The following B4GALT4 variants were observed in gnomAD, a reference collection of about 807,000 sequenced individuals.
B4GALT4 encodes the protein N-acetyllactosamine synthase.
A neutral mutation model predicts 37.3 loss-of-function variants in B4GALT4; 27 were observed. The observed-to-expected ratio is 0.72, with a 90% CI of 0.53 to 1.00. B4GALT4 has a LOEUF of 1.00. Ranked by LOEUF, B4GALT4 falls within the 50% of genes least tolerant of loss-of-function variation. B4GALT4 has a pLI of 0.00. For missense variants in B4GALT4, 372 were observed against 413.1 expected (o/e 0.90, Z 0.86); for synonymous variants, 148 against 154.1 (o/e 0.96, Z 0.29).
rs773490587 is a variant in B4GALT4 at position 119,227,034 on chromosome 3, C to T, written c.261G>A (p.Gln87=). ...CPSVSPYLRG[Q]SKLIFKPDLT... ...GATCTGGTTTGAAAATGAGCTTGCT[C>T]TGGCCTCCTACAATGAACATAGGAC... Residue 87 remains glutamine, a synonymous_variant, in exon 4 of 8, where the codon CAG becomes CAA. Coordinates refer to ENST00000393765, the MANE Select transcript of B4GALT4 (RefSeq NM_003778.4). The T allele has an allele frequency of 1.7e-5, 28 of 1,613,906 alleles. No individual in the cohort carries two copies. Among genetic ancestry groups the T allele is most frequent in the Admixed American group, 8.3e-5 (5 of 60,000 alleles).
chr3:119,239,490 A>C (rs114582205), intron 1 of B4GALT4, among the ~76,000 whole-genome samples: 3,016 of 152,318 alleles, frequency 0.02, 49 homozygotes, highest in Non-Finnish European at 0.029. Flanking sequence ...TTCAAAGAGA[A>C]GGTTAGTTCC....
chr3:119,227,220 G>A (rs1324136636), intron 3 of B4GALT4, among the ~76,000 whole-genome samples, 179 bp from the exon 4 acceptor site: 1 of 152,218 alleles, frequency 6.6e-6, no homozygotes, highest in Non-Finnish European at 1.5e-5. Flanking sequence ...AGAGCATCAT[G>A]TCACTAAGGT....
At position 119,230,117 on chromosome 3, in the gene B4GALT4, T is replaced by C. The variant is rs768073001; in HGVS notation, c.-18A>G. ...AAGCCCATGTTTTTTATTACGTGAATAATATCTATCTCTCTGCTTCACTGC... is the reference window on the plus strand; with the variant it reads ...AAGCCCATGTTTTTTATTACGTGAACAATATCTATCTCTCTGCTTCACTGC... On this transcript the variant is annotated 5_prime_UTR_variant, in exon 3 of 8. Transcript: ENST00000393765. The C allele has an allele frequency of 1.2e-6, 2 of 1,613,716 alleles. No individual in the cohort carries two copies. The highest frequency in any genetic ancestry group is 2.2e-5 in the South Asian group (2 of 91,042).
chr3:119,228,678 T>C (rs1341246812), intron 3 of B4GALT4, among the ~76,000 whole-genome samples: 1 of 152,134 alleles, frequency 6.6e-6, no homozygotes, highest in Non-Finnish European at 1.5e-5. Flanking sequence ...GTGACTCAAC[T>C]AGGAAAGGGG....
intron 4 of B4GALT4, chr3:119,226,502 A>G (rs1485799204): frequency 7.9e-6 from 3 of 379,012 alleles, no homozygotes; most frequent in Non-Finnish European, 1.5e-5. Flanking sequence ...AGAAAGAAAC[A>G]GAAGGGGCCA....
At chr3:119,236,611 T>C (rs2078993861) in intron 2 of B4GALT4, among the ~76,000 whole-genome samples, 1 of 152,194 alleles carries the variant, frequency 6.6e-6, no homozygotes, top group Admixed American at 6.5e-5. Flanking sequence ...ACATAGCAGG[T>C]ACTCAATTTA....
intron 3 of B4GALT4, 152 bp downstream of exon 3, chr3:119,229,695 T>G (rs1435333331): frequency 4.6e-6 from 4 of 874,014 alleles, no homozygotes; most frequent in Non-Finnish European, 6.7e-6. Flanking sequence ...TTGTACATGT[T>G]ATATTTATTT....
rs1349548722 is a variant in B4GALT4, at chr3:119,229,979, T to A, written c.121A>T (p.Ile41Phe). 1 of 1,614,004 alleles carries A rather than the reference T, an allele frequency of 6.2e-7. No individual in the cohort carries two copies. The highest frequency in any genetic ancestry group is 2.2e-5 in the East Asian group (1 of 44,892). Reference sequence around the variant, plus strand: ...GCCATGAACTCCTTTGCTTTAGGAATCTCTTGAATGGCACCCACGAAGTAG... The same window carrying A: ...GCCATGAACTCCTTTGCTTTAGGAAACTCTTGAATGGCACCCACGAAGTAG... ...SNYFVGAIQE[I>F]PKAKEFMANF... The change falls in exon 3 of 8, where the codon ATT becomes TTT. Residue 41 changes from isoleucine to phenylalanine, a missense_variant. Physicochemically the swap from Ile to Phe is conservative, Grantham distance 21 (BLOSUM62 0). Transcript: ENST00000393765.
In B4GALT4 at chr3:119,216,274, T is replaced by C. The variant is rs768298983; in HGVS notation, c.868A>G (p.Thr290Ala). Residue 290 changes from threonine (T) to alanine (A), a missense_variant, in exon 7 of 8, where the codon ACT becomes GCT. Thr to Ala is a moderately conservative substitution (Grantham distance 58, BLOSUM62 0). Transcript: ENST00000393765. ...EVGKYTMVFHTRDKGNEVNAE... is the reference protein window; with the variant it reads ...EVGKYTMVFHARDKGNEVNAE... ...TTCACCTCATTGCCTTTGTCTCTAG[T>C]GTGGAAGACCATTGTATATTTACCC... The C allele has an allele frequency of 1.2e-5, 20 of 1,613,738 alleles. No homozygotes were observed. The highest frequency in any genetic ancestry group is 1.6e-5 in the Non-Finnish European group (19 of 1,179,896).
At chr3:119,234,162 G>A (rs2078913057) in intron 2 of B4GALT4, among the ~76,000 whole-genome samples, 1 of 151,702 alleles carries the variant, frequency 6.6e-6, no homozygotes, top group Admixed American at 6.6e-5. Flanking sequence ...CTGTCGGCCT[G>A]GCCGGAGTGC....
At position 119,224,223 on chromosome 3, in the gene B4GALT4, C is replaced by T. The variant is rs1409074025; in HGVS notation, c.509G>A (p.Arg170Gln). Residue 170 changes from arginine to glutamine, a missense_variant, in exon 5 of 8, where the codon CGA becomes CAA. Physicochemically the swap from Arg to Gln is conservative, Grantham distance 43. Coordinates refer to ENST00000393765, the MANE Select transcript of B4GALT4 (RefSeq NM_003778.4). ...ATAGCCCACATTCAAGAGTTTGGCT[C>T]GATTAAACTTTTTACCTTCAGCCTA... ...IHQAEGKKFN[R>Q]AKLLNVGYLE... 5 of 1,606,354 alleles carry T rather than the reference C, an allele frequency of 3.1e-6. No homozygotes were observed. Among genetic ancestry groups the T allele is most frequent in the Non-Finnish European group, 4.2e-6 (5 of 1,177,270 alleles).
intron 7 of B4GALT4, chr3:119,214,506 C>G (rs960037570): frequency 7.9e-5 from 12 of 152,154 alleles, no homozygotes; most frequent in African/African-American, 2.9e-4. Context: ...GAGGGAAGCT[C>G]TCGAGGACTA....
At chr3:119,228,130 G>C (rs1334676810) in intron 3 of B4GALT4, among the ~76,000 whole-genome samples, 1 of 152,158 alleles carries the variant, frequency 6.6e-6, no homozygotes, top group South Asian at 2.1e-4. Flanking sequence ...GAGATAATGG[G>C]GTAGCTGTTG....
chr3:119,220,513 A>G (rs2078417331), intron 5 of B4GALT4, among the ~76,000 whole-genome samples: 1 of 152,218 alleles, frequency 6.6e-6, no homozygotes, highest in Non-Finnish European at 1.5e-5. Flanking sequence ...TTCTGAGGAG[A>G]GAGGTGTCGC....
In B4GALT4 at chr3:119,237,334, G is replaced by T. The variant is rs75527525; in HGVS notation, c.-363-264C>A. Among the ~76,000 whole-genome samples, 9 of 152,338 alleles carry T rather than the reference G, an allele frequency of 5.9e-5. 1 individual carries two copies. The South Asian group carries it at 1.9e-3, about 32-fold the overall frequency. On this transcript the variant is annotated intron_variant, in intron 1 of 7. Transcript: ENST00000393765. ...TAACAGGGCTCTGAAGTCACAAAGA[G>T]CTGAGTTCAAATTCTGGTTATCAGA...
chr3:119,221,283 A>C (rs950939928), intron 5 of B4GALT4, among the ~76,000 whole-genome samples: 6 of 152,234 alleles, frequency 3.9e-5, no homozygotes, highest in African/African-American at 1.4e-4. Context: ...GGCAGTGAGA[A>C]ACAAGATTTG....
chr3:119,212,711 T>C (rs776513526), intron 7 of B4GALT4, 30 bp from the exon 8 acceptor site: 14 of 1,561,648 alleles, frequency 9.0e-6, no homozygotes, highest in Non-Finnish European at 1.2e-5. Context: ...ATGTGAATGA[T>C]AAGAATTTAA....
At chr3:119,220,638 G>A (rs899729376) in intron 5 of B4GALT4, among the ~76,000 whole-genome samples, 6 of 152,146 alleles carry the variant, frequency 3.9e-5, no homozygotes, top group African/African-American at 1.2e-4. Flanking sequence ...CAGGCTGCCC[G>A]ACGACCACCT....
intron 2 of B4GALT4, among the ~76,000 whole-genome samples, chr3:119,230,694 C>A (rs1319417587): frequency 6.6e-6 from 1 of 152,180 alleles, no homozygotes; most frequent in Non-Finnish European, 1.5e-5. Context: ...GGGAAAAGTT[C>A]TTCTCCCCTG....
Sources: allele counts gnomAD v4.1 joint callset (sites outside exome capture counted in the v4.1 genomes callset), GRCh38; gene constraint gnomAD v4.1.1; transcripts MANE v1.5; gene names NCBI Gene and HGNC (gene_info 2026-07-23, HGNC 2026-07-21).